DIDO1: variants seen among roughly 807,000 people sequenced by gnomAD.
DIDO1 encodes the protein death-inducer obliterator 1.
DIDO1 carries 16 observed loss-of-function variants against 99.4 expected under a neutral mutation model. That is an observed-to-expected ratio of 0.16 (90% CI 0.11 to 0.24). The LOEUF (loss-of-function observed/expected upper bound fraction) is 0.24. Among genes scored for constraint, DIDO1 ranks in the 10% least tolerant of loss-of-function variants. DIDO1 has a pLI of 1.00. For synonymous variants in DIDO1, 1,366 were observed against 1,239.1 expected (o/e 1.10, Z -2.15); for missense variants, 2,996 against 3,014.0 (o/e 0.99, Z 0.14).
chr20:62,879,475 G>A lies in DIDO1; in HGVS notation c.6481C>T (p.Arg2161Cys). 6.3e-7 allele frequency: 1 copy of A among 1,579,656 alleles called. No individual in the cohort carries two copies. The highest frequency in any genetic ancestry group is 1.1e-5 in the South Asian group (1 of 89,144). ...CACTCCTTGCCCCGGTCGGCCTCGCGCTCTCGGTCGCGGTTGGCGCTCCTC... is the reference window on the plus strand; with the variant it reads ...CACTCCTTGCCCCGGTCGGCCTCGCACTCTCGGTCGCGGTTGGCGCTCCTC... ...RERSANRDREREADRGKEWDR... is the reference protein window; with the variant it reads ...RERSANRDRECEADRGKEWDR... Residue 2161 changes from arginine (R) to cysteine (C), a missense_variant, in exon 16 of 16, where the codon CGC (arginine) becomes TGC (cysteine). This residue lies in a region of DIDO1 where 1,562 missense variants were observed against 1,412.6 expected (regional missense o/e 1.11). Transcript: ENST00000395343. This position sits in a 1 kb window ranked among gnomAD's most constrained non-coding sequence, Gnocchi z 6.3.
At chr20:62,890,073 G>T in intron 15 of DIDO1, 2 of 985,832 alleles carry the variant, frequency 2.0e-6, no homozygotes, top group Non-Finnish European at 2.4e-6. Flanking sequence ...GCACAGCTAT[G>T]GCAGGAACAC....
intron 1 of DIDO1, among the ~76,000 whole-genome samples, chr20:62,925,762 G>A (rs1245881264): frequency 1.3e-5 from 2 of 152,150 alleles, no homozygotes; most frequent in Non-Finnish European, 2.9e-5. Context: ...CGGCTTCCGG[G>A]GTCACTGGAA....
At chr20:62,910,134 G>A in intron 3 of DIDO1, 114 bp from the exon 4 acceptor site, 2 of 1,157,786 alleles carry the variant, frequency 1.7e-6, no homozygotes, top group East Asian at 2.5e-5. Flanking sequence ...ATACAGAAAA[G>A]TAGAGATTAA....
chr20:62,889,167 C>G (rs2147378794), intron 15 of DIDO1: 1 of 985,578 alleles, frequency 1.0e-6, no homozygotes, highest in South Asian at 4.7e-5. Context: ...GACCCCAGCC[C>G]AGCCCTCCTT....
In DIDO1 at chr20:62,894,747, C is replaced by A. The variant is rs1318438880; in HGVS notation, c.2436+63G>T. ...GGTCCTGCCCAATAATTTAAGATAACCTCAAAACATTTGGGATGGATTAGT... is the reference window on the plus strand; with the variant it reads ...GGTCCTGCCCAATAATTTAAGATAAACTCAAAACATTTGGGATGGATTAGT... On this transcript the variant is annotated intron_variant, in intron 10 of 15. Coordinates refer to ENST00000395343, the MANE Select transcript of DIDO1 (RefSeq NM_001193369.2). This position sits in a 1 kb window ranked among gnomAD's most constrained non-coding sequence, Gnocchi z 4.4. 4 of 1,539,468 alleles carry A rather than the reference C, an allele frequency of 2.6e-6. No homozygotes were observed. Among genetic ancestry groups the A allele is most frequent in the Non-Finnish European group, 3.5e-6 (4 of 1,132,404 alleles).
At chr20:62,905,486 G>A (rs192759667) in intron 6 of DIDO1, 24 of 1,550,274 alleles carry the variant, frequency 1.5e-5, no homozygotes, top group East Asian at 7.3e-5. Flanking sequence ...AAACTGAAGC[G>A]TATACAGCGC....
intron 13 of DIDO1, 39 bp downstream of exon 13, chr20:62,892,770 A>G: frequency 1.3e-6 from 2 of 1,578,378 alleles, no homozygotes; most frequent in Non-Finnish European, 1.7e-6. Flanking sequence ...AACTCCTATG[A>G]AAGACACACA....
chr20:62,892,193 G>T, intron 13 of DIDO1, 117 bp from the exon 14 acceptor site: 1 of 847,192 alleles, frequency 1.2e-6, no homozygotes, highest in Non-Finnish European at 1.8e-6. Context: ...GCTATTCCAA[G>T]GAAAAGAGTC....
intron 12 of DIDO1, 52 bp downstream of exon 12, chr20:62,893,614 G>C (rs528932133): frequency 6.7e-7 from 1 of 1,500,204 alleles, no homozygotes; most frequent in South Asian, 1.3e-5. Context: ...CTTTCCTTTC[G>C]TTAATCTAAA....
chr20:62,893,773 C>G lies in DIDO1; in HGVS notation c.2994G>C (p.Val998=), dbSNP rs1034083537. 8 of 1,614,226 alleles carry G rather than the reference C, an allele frequency of 5.0e-6. No homozygotes were observed. The highest frequency in any genetic ancestry group is 4.2e-6 in the Non-Finnish European group (5 of 1,180,044). The change falls in exon 12 of 16, where the codon GTG becomes GTC. Residue 998 remains valine, a synonymous_variant. Coordinates refer to ENST00000395343, the MANE Select transcript of DIDO1 (RefSeq NM_001193369.2). The part of the protein sequence containing the change: ...STHMVEARQD[V]PKPVLTSVMV... ...TCACAGAAGTCAAGACAGGCTTCGG[C>G]ACATCCTGTCTGGCTTCCACCATGT...
rs1357123639 is a variant in DIDO1 at position 62,881,265 on chromosome 20, C to A, written c.4691G>T (p.Arg1564Met). The A allele has an allele frequency of 1.2e-6, 2 of 1,602,776 alleles. No homozygotes were observed. The highest frequency in any genetic ancestry group is 2.7e-5 in the African/African-American group (2 of 74,832). ...ASNHRDPRQA[R>M]RLATETGEGE... Reference sequence around the variant, plus strand: ...CTCACCGGTCTCAGTGGCCAGGCGCCTCGCCTGCCGGGGGTCCCTGTGGTT... The same window carrying A: ...CTCACCGGTCTCAGTGGCCAGGCGCATCGCCTGCCGGGGGTCCCTGTGGTT... The change falls in exon 16 of 16, where the codon AGG becomes ATG. Residue 1564 changes from arginine (R) to methionine (M), a missense_variant. By Grantham distance (91) the Arg-to-Met change is moderately conservative. Transcript: ENST00000395343. This position sits in a 1 kb window ranked among gnomAD's most constrained non-coding sequence, Gnocchi z 8.3.
At chr20:62,921,789 A>T (rs2065141076) in intron 1 of DIDO1, among the ~76,000 whole-genome samples, 1 of 148,670 alleles carries the variant, frequency 6.7e-6, no homozygotes, top group Non-Finnish European at 1.5e-5. Flanking sequence ...CATGCACTAC[A>T]ATGCCCAGCT....
rs2064172656 is a variant in DIDO1, at chr20:62,880,069, G to C, written c.5887C>G (p.Gln1963Glu). 4 of 1,611,750 alleles carry C rather than the reference G, an allele frequency of 2.5e-6. No individual in the cohort carries two copies. The highest frequency in any genetic ancestry group is 3.4e-6 in the Non-Finnish European group (4 of 1,180,010). The change falls in exon 16 of 16, where the codon CAG becomes GAG. Residue 1963 changes from glutamine to glutamate, a missense_variant. Gln to Glu is a conservative substitution (Grantham distance 29). Around this residue, in one of 5 missense-constraint regions of DIDO1, gnomAD observed 1,562 missense variants for 1,412.6 expected, o/e 1.11. Transcript: ENST00000395343. ...PNFMPGPRGI[Q>E]PQQFEDQRVH... is the part of the protein sequence containing the mutation. ...CTCTGGTCTTCGAACTGCTGAGGCTGAATGCCCCTGGGACCTGGCATAAAG... is the reference window on the plus strand; with the variant it reads ...CTCTGGTCTTCGAACTGCTGAGGCTCAATGCCCCTGGGACCTGGCATAAAG...
At chr20:62,929,761 T>G (rs77078195), upstream of DIDO1, among the ~76,000 whole-genome samples, 1,235 of 89,804 alleles carry the variant, frequency 0.014, 17 homozygotes, top group Non-Finnish European at 0.02. Flanking sequence ...CTGTTTTGTT[T>G]TTTTTTTTTG....
intron 14 of DIDO1, among the ~76,000 whole-genome samples, chr20:62,891,605 A>G (rs1215406870): frequency 6.6e-6 from 1 of 152,186 alleles, no homozygotes; most frequent in African/African-American, 2.4e-5. Context: ...CACCCCTGCA[A>G]AAGACACCTT....
intron 2 of DIDO1, among the ~76,000 whole-genome samples, chr20:62,913,243 T>G (rs948447210): frequency 2.0e-5 from 3 of 151,946 alleles, no homozygotes; most frequent in Non-Finnish European, 4.4e-5. Context: ...ATCACTTCTA[T>G]GCTCACCTGA....
In DIDO1 at chr20:62,878,213, AT is replaced by A. The variant is rs1183119418; in HGVS notation, c.*1019del. The A allele has an allele frequency of 6.6e-6, 1 of 152,218 alleles. No individual in the cohort carries two copies. The highest frequency in any genetic ancestry group is 2.4e-5 in the African/African-American group (1 of 41,452). The allele number at this position is 152,218 out of a possible 1,614,324, so 9.4% of individuals were successfully genotyped here. On this transcript the variant is annotated 3_prime_UTR_variant, in exon 16 of 16. Transcript: ENST00000395343. The stretch of plus-strand genomic sequence containing the variant: ...GTATTTGTACAAATAAATTAGCCAG[AT>A]TTTTTTACTTCACACTTCAGAAGTA...
At chr20:62,935,682 C>T (rs913527685) in intron 1 of DIDO1, among the ~76,000 whole-genome samples, 5 of 152,206 alleles carry the variant, frequency 3.3e-5, no homozygotes, top group Admixed American at 6.5e-5. Flanking sequence ...AGAGTAAGAT[C>T]AGGAGTGCAG....
chr20:62,927,489 T>C (rs2065275597), upstream of DIDO1, among the ~76,000 whole-genome samples: 1 of 152,056 alleles, frequency 6.6e-6, no homozygotes, highest in South Asian at 2.1e-4. Flanking sequence ...CGAGGCACCA[T>C]GGGCACTGGC....
Sources: allele counts gnomAD v4.1 joint callset (sites outside exome capture counted in the v4.1 genomes callset), GRCh38; gene constraint gnomAD v4.1.1; regional missense constraint gnomAD v4.1.1; non-coding constraint Gnocchi (gnomAD v3.1); transcripts MANE v1.5; gene names NCBI Gene and HGNC (gene_info 2026-07-23, HGNC 2026-07-21).